Variants in DOP1B observed in about 807,000 individuals in gnomAD.
DOP1B encodes the protein DOP1 leucine zipper like protein B, also known as protein DOP1B.
A neutral mutation model predicts 233.5 loss-of-function variants in DOP1B; 174 were observed. The ratio of observed to expected loss-of-function variants is 0.75; its 90% CI spans 0.66 to 0.85. The LOEUF (loss-of-function observed/expected upper bound fraction) is 0.85, where lower values mean the gene tolerates loss of function less well. Among genes scored for constraint, DOP1B ranks in the 40% least tolerant of loss-of-function variants. The probability of loss-of-function intolerance (pLI) is 0.00; values close to 1 mark genes in which losing one functional copy is unlikely to be tolerated. For synonymous variants in DOP1B, 1,190 were observed against 1,185.6 expected (o/e 1.00, Z -0.08); for missense variants, 2,652 against 2,846.6 (o/e 0.93, Z 1.56).
chr21:36,247,439 T>G, intron 19 of DOP1B, 78 bp from the exon 20 acceptor site: 1 of 959,806 alleles, frequency 1.0e-6, no homozygotes, highest in Non-Finnish European at 1.5e-6. Context: ...AGTTCCTGTG[T>G]TTATATATAG....
chr21:36,245,159 C>T lies in DOP1B; in HGVS notation c.3179C>T (p.Thr1060Ile), dbSNP rs369027784. The change falls in exon 19 of 37, where the codon ACC becomes ATC. Residue 1060 changes from threonine to isoleucine, a missense_variant. Thr to Ile is a moderately conservative substitution (Grantham distance 89). Transcript: ENST00000691173. This position sits in a 1 kb window ranked among gnomAD's most constrained non-coding sequence, Gnocchi z 5.5. ...SEEHLPLSQF[T>I]TVDREAIWAE... ...GAGCACCTGCCTCTGAGCCAGTTCACCACAGTGGACCGTGAAGCCATTTGG... is the reference window on the plus strand; with the variant it reads ...GAGCACCTGCCTCTGAGCCAGTTCATCACAGTGGACCGTGAAGCCATTTGG... 4.0e-5 allele frequency: 65 copies of T among 1,613,956 alleles called. No homozygotes were observed. Among genetic ancestry groups the T allele is most frequent in the Non-Finnish European group, 5.4e-5 (64 of 1,180,048 alleles).
In DOP1B at chr21:36,253,862, G is replaced by T; in HGVS notation, c.5212G>T (p.Val1738Leu). The T allele has an allele frequency of 6.2e-7, 1 of 1,614,032 alleles. No homozygotes were observed. The highest frequency in any genetic ancestry group is 8.5e-7 in the Non-Finnish European group (1 of 1,179,996). ...GCAGACTGACACGCTGCTGCACCTG[G>T]TGAAGGAGGTGGTGAAGAGGCCACC... ...TLQTDTLLHL[V>L]KEVVKRPPQV... The change falls in exon 23 of 37, where the codon GTG (valine) becomes TTG (leucine). Residue 1738 changes from valine (V) to leucine (L), a missense_variant. By Grantham distance (32) the Val-to-Leu change is conservative (BLOSUM62 1). Around this residue, in one of 3 missense-constraint regions of DOP1B, gnomAD observed 2,617 missense variants for 2,794.3 expected, o/e 0.94. Transcript: ENST00000691173.
At chr21:36,235,326 G>C (rs1021100691) in intron 15 of DOP1B, among the ~76,000 whole-genome samples, 1 of 152,150 alleles carries the variant, frequency 6.6e-6, no homozygotes, top group Non-Finnish European at 1.5e-5. Flanking sequence ...GAAAAGGTCA[G>C]ATAGCCCAAG....
intron 12 of DOP1B, 66 bp from the exon 13 acceptor site, chr21:36,227,620 T>G: frequency 1.8e-4 from 243 of 1,324,584 alleles, no homozygotes; most frequent in Non-Finnish European, 2.3e-4. Context: ...GATGCCATTT[T>G]GAGATGCATT....
rs372303431 is a variant in DOP1B at position 36,191,377 on chromosome 21, ACTCT to A, written c.139-7691_139-7688del. ...TGTGGTAATTAAAGATTGAAAGCTCACTCTCAAGAGAGCTGCACCAAATCCCTGG... is the reference window on the plus strand; with the variant it reads ...TGTGGTAATTAAAGATTGAAAGCTCACAAGAGAGCTGCACCAAATCCCTGG... On this transcript the variant is annotated intron_variant, in intron 2 of 36. Transcript: ENST00000691173. Among the ~76,000 whole-genome samples, 387 of 152,172 alleles carry A rather than the reference ACTCT, an allele frequency of 2.5e-3. 1 individual carries two copies. The highest frequency in any genetic ancestry group is 8.8e-3 in the African/African-American group (364 of 41,516).
intron 1 of DOP1B, among the ~76,000 whole-genome samples, chr21:36,157,802 G>T (rs2065833248): frequency 6.6e-6 from 1 of 152,130 alleles, no homozygotes; most frequent in African/African-American, 2.4e-5. Flanking sequence ...GTACATATCT[G>T]TTATCTGTTG....
At chr21:36,281,424 A>G in intron 31 of DOP1B, 59 bp from the exon 32 acceptor site, 4 of 1,505,384 alleles carry the variant, frequency 2.7e-6, no homozygotes, top group Non-Finnish European at 3.6e-6. Context: ...TGAATTTCCC[A>G]TCACTTCCCT....
chr21:36,224,560 C>T (rs758207607), intron 11 of DOP1B, among the ~76,000 whole-genome samples: 16 of 151,692 alleles, frequency 1.1e-4, no homozygotes, highest in Non-Finnish European at 2.4e-4. Flanking sequence ...AACATTTTGT[C>T]CTCTTTTCAT....
intron 2 of DOP1B, among the ~76,000 whole-genome samples, chr21:36,188,545 G>A (rs887429573): frequency 5.9e-5 from 9 of 152,208 alleles, no homozygotes; most frequent in African/African-American, 2.2e-4. Context: ...GCTTCACTGA[G>A]CGTTTGAGCC....
At chr21:36,276,603 G>T (rs977608558) in intron 27 of DOP1B, among the ~76,000 whole-genome samples, 5 of 152,056 alleles carry the variant, frequency 3.3e-5, no homozygotes, top group African/African-American at 1.2e-4. Flanking sequence ...CACTTTGGGA[G>T]ACCAAGGCAG....
At chr21:36,288,318 A>G (rs1017155016) in intron 33 of DOP1B, among the ~76,000 whole-genome samples, 168 bp downstream of exon 33, 3 of 152,208 alleles carry the variant, frequency 2.0e-5, no homozygotes, top group Non-Finnish European at 4.4e-5. Flanking sequence ...ATTTTACTCT[A>G]TGATCATATT....
chr21:36,169,810 T>A, intron 2 of DOP1B: 1 of 1,171,760 alleles, frequency 8.5e-7, no homozygotes, highest in Non-Finnish European at 1.3e-6. Flanking sequence ...CTTCCTAGAT[T>A]TATGCCGGTT....
intron 22 of DOP1B, 59 bp from the exon 23 acceptor site, chr21:36,253,713 C>T (rs62232368): frequency 0.28 from 434,246 of 1,566,452 alleles, 64,297 homozygotes; most frequent in Non-Finnish European, 0.31. Context: ...AAGGATGTGT[C>T]ATCCTTATTT....
intron 13 of DOP1B, among the ~76,000 whole-genome samples, chr21:36,229,319 G>GA (rs1319656080): frequency 6.6e-6 from 1 of 152,154 alleles, no homozygotes; most frequent in Non-Finnish European, 1.5e-5. Context: ...GTGCACTGGG[G>GA]AAAAAGAGTC....
At chr21:36,270,193 T>G (rs996573156) in intron 27 of DOP1B, 36 bp downstream of exon 27, 1 of 1,607,272 alleles carries the variant, frequency 6.2e-7, no homozygotes, top group African/African-American at 1.3e-5. Context: ...GTGCCTCTGG[T>G]CAGCGCGTGG....
intron 9 of DOP1B, among the ~76,000 whole-genome samples, chr21:36,217,724 C>A (rs1461843761): frequency 2.0e-5 from 3 of 152,200 alleles, no homozygotes; most frequent in Non-Finnish European, 2.9e-5. Flanking sequence ...CCCGCTCCCA[C>A]CTTAAACCAA....
Position 36,245,614 on chromosome 21 carries a change from A to AAGC in DOP1B, c.3641_3643dup (p.Gln1214dup), listed in dbSNP as rs767894273. The AAGC allele has an allele frequency of 2.5e-6, 4 of 1,613,420 alleles. No homozygotes were observed. The highest frequency in any genetic ancestry group is 3.4e-6 in the Non-Finnish European group (4 of 1,179,908). On this transcript the variant is annotated inframe_insertion, in exon 19 of 37. Coordinates refer to ENST00000691173, the MANE Select transcript of DOP1B (RefSeq NM_001320714.2). The surrounding 1 kb of genome is among the most constrained non-coding windows in gnomAD (Gnocchi z 5.5). ...GGCCCTCACCACATCCAGGCTGCTA[A>AAGC]AGCAGCAGCGGGAAAGGCAGGAGGC...
At chr21:36,286,294 C>G (rs1196879222) in intron 32 of DOP1B, among the ~76,000 whole-genome samples, 6 of 152,014 alleles carry the variant, frequency 3.9e-5, no homozygotes, top group African/African-American at 1.4e-4. Context: ...TGCATATGTA[C>G]TGGGAATTTG....
rs2065893808 is a variant in DOP1B at position 36,164,773 on chromosome 21, TA to T, written c.41del (p.Tyr14SerfsTer7). 6.2e-7 allele frequency: 1 copy of T among 1,611,986 alleles called. No homozygotes were observed. The highest frequency in any genetic ancestry group is 1.3e-5 in the African/African-American group (1 of 74,920). ...EEQELLNDYR[Y>X]RSYSSVIEKA... ...GCAGGAGCTCTTAAATGATTACAGA[TA>T]CAGAAGCTACTCTTCAGTGATTGAA... On this transcript the variant is annotated frameshift_variant, in exon 2 of 37. Coordinates refer to ENST00000691173, the MANE Select transcript of DOP1B (RefSeq NM_001320714.2). LOFTEE classifies it high-confidence loss of function.
Sources: allele counts gnomAD v4.1 joint callset (sites outside exome capture counted in the v4.1 genomes callset), GRCh38; gene constraint gnomAD v4.1.1; regional missense constraint gnomAD v4.1.1; non-coding constraint Gnocchi (gnomAD v3.1); transcripts MANE v1.5; gene names NCBI Gene and HGNC (gene_info 2026-07-23, HGNC 2026-07-21).